PTPRN2: variants seen among roughly 807,000 people sequenced by gnomAD.
PTPRN2 encodes receptor-type tyrosine-protein phosphatase N2.
In PTPRN2, 74 loss-of-function variants were observed where a neutral mutation model predicts 118.8. The ratio of observed to expected loss-of-function variants is 0.62; its 90% CI spans 0.52 to 0.76. PTPRN2 has a LOEUF of 0.76. Ranked by LOEUF, PTPRN2 falls within the 30% of genes least tolerant of loss-of-function variation. The pLI is 0.00. For missense variants in PTPRN2, 1,481 were observed against 1,394.4 expected (o/e 1.06, Z -0.99); for synonymous variants, 641 against 608.0 (o/e 1.05, Z -0.80).
At chr7:158,274,835 A>G (rs898417141) in intron 3 of PTPRN2, among the ~76,000 whole-genome samples, 6 of 152,190 alleles carry the variant, frequency 3.9e-5, no homozygotes, top group Non-Finnish European at 7.4e-5. Context: ...ATAGAAACAC[A>G]GGTCATTTTG....
In PTPRN2 at chr7:157,861,730, G is replaced by T. The variant is rs1205143217; in HGVS notation, c.1788+36943C>A. 2.6e-5 allele frequency among the ~76,000 whole-genome samples: 4 copies of T among 152,234 alleles called. No individual in the cohort carries two copies. Among genetic ancestry groups the T allele is most frequent in the Non-Finnish European group, 5.9e-5 (4 of 68,038 alleles). ...CGACCCTTCCTGACTCCCAGCCTCT[G>T]CGTTGCCAGCAGCCCTCGGCCCACA... On this transcript the variant is annotated intron_variant, in intron 12 of 22. Coordinates refer to ENST00000389418, the MANE Select transcript of PTPRN2 (RefSeq NM_002847.5). This position sits in a 1 kb window ranked among gnomAD's most constrained non-coding sequence, Gnocchi z 5.8.
At position 158,517,983 on chromosome 7, in the gene PTPRN2, C is replaced by T. The variant is rs538819894; in HGVS notation, c.113-28198G>A. 7.2e-5 allele frequency among the ~76,000 whole-genome samples: 11 copies of T among 152,336 alleles called. No individual in the cohort carries two copies. The highest frequency in any genetic ancestry group is 5.2e-4 in the Admixed American group (8 of 15,306). On this transcript the variant is annotated intron_variant, in intron 1 of 22. Coordinates refer to ENST00000389418, the MANE Select transcript of PTPRN2 (RefSeq NM_002847.5). The surrounding 1 kb of genome is among the most constrained non-coding windows in gnomAD (Gnocchi z 5.3). Reference sequence around the variant, plus strand: ...CCAAGAGGGCTCCCTAATTCCTGACCGGGCGGGGCACCCCTGCAACATTCT... The same window carrying T: ...CCAAGAGGGCTCCCTAATTCCTGACTGGGCGGGGCACCCCTGCAACATTCT...
chr7:158,332,819 A>T (rs1454785088), intron 2 of PTPRN2, among the ~76,000 whole-genome samples: 1 of 144,148 alleles, frequency 6.9e-6, no homozygotes, highest in Non-Finnish European at 1.5e-5. Context: ...TCACGTACAC[A>T]CTTCTCACCA....
rs1157196982 is a variant in PTPRN2 at position 157,893,815 on chromosome 7, G to T, written c.1788+4858C>A. On this transcript the variant is annotated intron_variant, in intron 12 of 22. Coordinates refer to ENST00000389418, the MANE Select transcript of PTPRN2 (RefSeq NM_002847.5). The surrounding 1 kb of genome is among the most constrained non-coding windows in gnomAD (Gnocchi z 4.0). ...TGAGTTCCCCACAGGAGACAGCACC[G>T]GCAGAAAGGAGGAGGGAGCCAGGCC... 6.6e-6 allele frequency among the ~76,000 whole-genome samples: 1 copy of T among 152,142 alleles called. No homozygotes were observed. The highest frequency in any genetic ancestry group is 2.1e-4 in the South Asian group (1 of 4,820).
At chr7:158,440,559 G>A (rs1009631750) in intron 2 of PTPRN2, among the ~76,000 whole-genome samples, 6 of 151,022 alleles carry the variant, frequency 4.0e-5, no homozygotes, top group Non-Finnish European at 5.9e-5. Flanking sequence ...CAGTGGCGGC[G>A]GTGGTGGTGA....
rs1033565149 is a variant in PTPRN2, at chr7:157,845,324, G to T, written c.1788+53349C>A. The stretch of plus-strand genomic sequence containing the variant: ...CCAGAGGACATACACAGAGTGATCC[G>T]CCCTCTTTTCCCTGGTGAATCACGC... On this transcript the variant is annotated intron_variant, in intron 12 of 22. Coordinates refer to ENST00000389418, the MANE Select transcript of PTPRN2 (RefSeq NM_002847.5). The surrounding 1 kb of genome is among the most constrained non-coding windows in gnomAD (Gnocchi z 4.5). Among the ~76,000 whole-genome samples the T allele has an allele frequency of 6.6e-6, 1 of 152,058 alleles. No homozygotes were observed. The highest frequency in any genetic ancestry group is 1.5e-5 in the Non-Finnish European group (1 of 68,024).
chr7:158,146,619 C>G (rs200584961), intron 6 of PTPRN2, among the ~76,000 whole-genome samples: 9,459 of 139,200 alleles, frequency 0.068, 636 homozygotes, highest in African/African-American at 0.13. Flanking sequence ...TACTCAGGAG[C>G]CTGAGGCAGA....
At chr7:158,209,273 A>G (rs1312941467) in intron 3 of PTPRN2, among the ~76,000 whole-genome samples, 1 of 152,184 alleles carries the variant, frequency 6.6e-6, no homozygotes. Context: ...AATGGATTAA[A>G]AAAAAGACCC....
rs75080468 is a variant in PTPRN2, at chr7:157,830,929, C to T, written c.1788+67744G>A. ...TGCACGCTGGGGGATGATGCAGACACTCCCTTTTCTGCACCTCACGGGGAA... is the reference window on the plus strand; with the variant it reads ...TGCACGCTGGGGGATGATGCAGACATTCCCTTTTCTGCACCTCACGGGGAA... On this transcript the variant is annotated intron_variant, in intron 12 of 22. Coordinates refer to ENST00000389418, the MANE Select transcript of PTPRN2 (RefSeq NM_002847.5). Among the ~76,000 whole-genome samples, 803 of 152,320 alleles carry T rather than the reference C, an allele frequency of 5.3e-3. 32 individuals carry two copies. The highest frequency in any genetic ancestry group is 0.044 in the Admixed American group (670 of 15,298).
At chr7:158,071,450 CGTGGTTGAGGTG>C (rs1811619829) in intron 11 of PTPRN2, among the ~76,000 whole-genome samples, 1 of 26,856 alleles carries the variant, frequency 3.7e-5, no homozygotes, top group Non-Finnish European at 6.8e-5. Context: ...TGGAGGTGCT[CGTGGTTGAGGTG>C]CTCGTGGTGG....
intron 14 of PTPRN2, 93 bp from the exon 15 acceptor site, chr7:157,621,602 C>T (rs1242647436): frequency 3.4e-5 from 52 of 1,513,794 alleles, no homozygotes; most frequent in Middle Eastern, 1.7e-4. Context: ...GCACTCGCCG[C>T]GTGGGCCATG....
At chr7:158,343,194 C>T (rs1298801113) in intron 2 of PTPRN2, among the ~76,000 whole-genome samples, 10 of 152,086 alleles carry the variant, frequency 6.6e-5, no homozygotes, top group Non-Finnish European at 1.0e-4. Context: ...CATAAAGAAC[C>T]ACAACTCGAC....
At position 158,071,415 on chromosome 7, in the gene PTPRN2, CTGG is replaced by C. The variant is rs1381015584; in HGVS notation, c.1723+9880_1723+9882del. Among the ~76,000 whole-genome samples, 62 of 11,482 alleles carry C rather than the reference CTGG, an allele frequency of 5.4e-3. 3 individuals are homozygous for C. Among genetic ancestry groups the C allele is most frequent in the Non-Finnish European group, 8.7e-3 (52 of 5,950 alleles). 7.5% of individuals were successfully genotyped at this position (11,482 alleles called of 152,430 possible). On this transcript the variant is annotated intron_variant, in intron 11 of 22. Coordinates refer to ENST00000389418, the MANE Select transcript of PTPRN2 (RefSeq NM_002847.5). ...GGAGGTGCTCGTGGTGGAGTTGCTC[CTGG>C]TGGTGGAGGTGCTCGTGGTGGTGGA...
intron 19 of PTPRN2, among the ~76,000 whole-genome samples, chr7:157,572,455 G>A (rs761437815): frequency 7.7e-4 from 117 of 152,210 alleles, no homozygotes; most frequent in Admixed American, 7.9e-4. Context: ...CAAAGAGTCC[G>A]TGGAAAGTAA....
chr7:157,612,818 G>A (rs1042593065), intron 15 of PTPRN2, among the ~76,000 whole-genome samples: 40 of 145,582 alleles, frequency 2.7e-4, no homozygotes, highest in Non-Finnish European at 4.8e-4. Flanking sequence ...GAGGGGTCGC[G>A]GTCAAAGGGC....
chr7:158,571,167 G>A (rs1389914428), intron 1 of PTPRN2, among the ~76,000 whole-genome samples: 1 of 151,160 alleles, frequency 6.6e-6, no homozygotes. Context: ...TAATTATGCC[G>A]TGTGTTGGCA....
At chr7:158,226,242 A>T (rs1172584635) in intron 3 of PTPRN2, among the ~76,000 whole-genome samples, 1 of 152,228 alleles carries the variant, frequency 6.6e-6, no homozygotes, top group African/African-American at 2.4e-5. Flanking sequence ...TAGAGAGATG[A>T]TAAGGTTGTA....
At chr7:158,550,868 A>C (rs1826606942) in intron 1 of PTPRN2, among the ~76,000 whole-genome samples, 1 of 152,126 alleles carries the variant, frequency 6.6e-6, no homozygotes, top group African/African-American at 2.4e-5. Flanking sequence ...TTTTAACTCC[A>C]TCAGGCGGCC....
chr7:158,188,212 G>GCGATGGGGAAGGCCGCCACACTCGCCC (rs1563576462), intron 5 of PTPRN2, among the ~76,000 whole-genome samples: 7 of 29,414 alleles, frequency 2.4e-4, no homozygotes, highest in Non-Finnish European at 3.8e-4. Flanking sequence ...CACGCTCGCC[G>GCGATGGGGAAGGCCGCCACACTCGCCC]CCTGATGGGG....
Sources: gnomAD v4.1 joint callset for allele counts (sites outside exome capture counted in the v4.1 genomes callset) on GRCh38, gnomAD v4.1.1 for gene constraint, Gnocchi (gnomAD v3.1) non-coding constraint, MANE v1.5 for transcripts, NCBI Gene and HGNC (gene_info 2026-07-23, HGNC 2026-07-21) for gene names.